The following SGCZ variants were observed in gnomAD, a reference collection of about 807,000 sequenced individuals.
SGCZ encodes the protein sarcoglycan zeta.
Under a neutral mutation model 41.3 loss-of-function variants are expected in SGCZ, and 40 were observed. The observed-to-expected ratio is 0.97, with a 90% confidence interval of 0.75 to 1.26. The LOEUF is 1.26. SGCZ is among the 50% of genes most tolerant of loss of function. The probability of loss-of-function intolerance (pLI) is 0.00; values close to 1 mark genes in which losing one functional copy is unlikely to be tolerated. For synonymous variants in SGCZ, 206 were observed against 137.5 expected (o/e 1.50, Z -3.49); for missense variants, 552 against 369.8 (o/e 1.49, Z -4.04).
intron 1 of SGCZ, among the ~76,000 whole-genome samples, chr8:14,607,294 A>G (rs986829107): frequency 6.6e-6 from 1 of 152,150 alleles, no homozygotes; most frequent in Non-Finnish European, 1.5e-5. Context: ...ATTGTTAATT[A>G]TCCTTCAGAT....
chr8:14,932,582 A>G (rs1799949668), intron 1 of SGCZ, among the ~76,000 whole-genome samples: 2 of 152,038 alleles, frequency 1.3e-5, no homozygotes, highest in South Asian at 2.1e-4. Flanking sequence ...AAATTATAAC[A>G]TATTTTACTA....
intron 1 of SGCZ, among the ~76,000 whole-genome samples, chr8:14,912,039 G>T (rs527451857): frequency 3.3e-5 from 5 of 151,682 alleles, no homozygotes; most frequent in African/African-American, 9.7e-5. Context: ...CTGCACTGAC[G>T]CTATGTAAGC....
chr8:14,305,800 G>C (rs1455786896), intron 3 of SGCZ, among the ~76,000 whole-genome samples: 1 of 152,118 alleles, frequency 6.6e-6, no homozygotes, highest in Non-Finnish European at 1.5e-5. Context: ...CTTGTAACTT[G>C]TATTGGTTTA....
chr8:14,986,502 G>C (rs1486950066), intron 1 of SGCZ, among the ~76,000 whole-genome samples: 1 of 151,868 alleles, frequency 6.6e-6, no homozygotes, highest in African/African-American at 2.4e-5. Flanking sequence ...AAATTAGAAG[G>C]GATTTGCTCT....
chr8:15,090,358 G>C (rs1806113062), intron 1 of SGCZ, among the ~76,000 whole-genome samples: 1 of 152,152 alleles, frequency 6.6e-6, no homozygotes, highest in Admixed American at 6.5e-5. Context: ...TATGGTTTCT[G>C]AGCCTAATAC....
At chr8:14,987,046 A>C (rs1346772092) in intron 1 of SGCZ, among the ~76,000 whole-genome samples, 1 of 151,966 alleles carries the variant, frequency 6.6e-6, no homozygotes, top group Admixed American at 6.6e-5. Context: ...ATTAACTATT[A>C]CATGTCTGAA....
intron 1 of SGCZ, among the ~76,000 whole-genome samples, chr8:15,148,333 C>T (rs1230714733): frequency 1.3e-5 from 2 of 152,140 alleles, no homozygotes; most frequent in Non-Finnish European, 2.9e-5. Context: ...CAGGAGCTCA[C>T]TGATGGTTAA....
At chr8:15,228,891 G>A (rs1801856468) in intron 1 of SGCZ, among the ~76,000 whole-genome samples, 1 of 152,124 alleles carries the variant, frequency 6.6e-6, no homozygotes, top group Admixed American at 6.5e-5. Context: ...CGTAGCTCTT[G>A]ATAAATTTTT....
rs534994049 is a variant in SGCZ at position 14,950,258 on chromosome 8, G to C, written c.39+287327C>G. On this transcript the variant is annotated intron_variant, in intron 1 of 7. Coordinates refer to ENST00000382080, the MANE Select transcript of SGCZ (RefSeq NM_139167.4). ...GGGTCTTTACGGGAAACAATAAGTA[G>C]GAACAAACCAAATGATGAAGTTCTG... Among the ~76,000 whole-genome samples the C allele has an allele frequency of 6.8e-4, 103 of 152,100 alleles. 1 individual carries two copies. Among genetic ancestry groups the C allele is most frequent in the African/African-American group, 2.3e-3 (96 of 41,546 alleles).
intron 7 of SGCZ, among the ~76,000 whole-genome samples, chr8:14,102,008 G>A (rs1055311170): frequency 2.7e-5 from 4 of 150,710 alleles, no homozygotes; most frequent in Non-Finnish European, 4.4e-5. Flanking sequence ...ATGGGTTGAC[G>A]ACATTCTCCT....
At chr8:14,522,696 A>AT (rs369960479) in intron 2 of SGCZ, among the ~76,000 whole-genome samples, 7 of 150,752 alleles carry the variant, frequency 4.6e-5, no homozygotes, top group South Asian at 2.1e-4. Flanking sequence ...GTTTTTTCTT[A>AT]TTTTTTTCCA....
intron 2 of SGCZ, among the ~76,000 whole-genome samples, chr8:14,528,789 C>T (rs1285437478): frequency 7.0e-6 from 1 of 142,854 alleles, no homozygotes; most frequent in Non-Finnish European, 1.5e-5. Flanking sequence ...ATTCCTTGCA[C>T]TACTGTCTTA....
At chr8:15,154,117 G>A (rs577272681) in intron 1 of SGCZ, among the ~76,000 whole-genome samples, 10 of 152,224 alleles carry the variant, frequency 6.6e-5, no homozygotes, top group South Asian at 6.2e-4. Flanking sequence ...CATGTGGCCC[G>A]GTTCCTAACA....
At chr8:14,350,644 C>T (rs1803056953) in intron 2 of SGCZ, among the ~76,000 whole-genome samples, 1 of 152,042 alleles carries the variant, frequency 6.6e-6, no homozygotes, top group African/African-American at 2.4e-5. Flanking sequence ...ATTACTGCTC[C>T]ATGGCTCCCT....
intron 2 of SGCZ, among the ~76,000 whole-genome samples, chr8:14,369,931 T>C (rs1490758736): frequency 6.6e-6 from 1 of 152,050 alleles, no homozygotes; most frequent in African/African-American, 2.4e-5. Flanking sequence ...TACAGGCTAA[T>C]GACGTCTATT....
At chr8:14,534,399 G>A (rs1803231528) in intron 2 of SGCZ, among the ~76,000 whole-genome samples, 1 of 151,944 alleles carries the variant, frequency 6.6e-6, no homozygotes, top group Non-Finnish European at 1.5e-5. Context: ...CTTCTTACTG[G>A]AAAGTTTCTA....
At chr8:14,900,097 C>A (rs1029745104) in intron 1 of SGCZ, among the ~76,000 whole-genome samples, 2 of 152,048 alleles carry the variant, frequency 1.3e-5, no homozygotes, top group South Asian at 4.1e-4. Context: ...CAAGCCCCTA[C>A]GGTAATTTTT....
intron 5 of SGCZ, among the ~76,000 whole-genome samples, chr8:14,139,878 AC>A (rs1288270977): frequency 6.6e-6 from 1 of 152,196 alleles, no homozygotes; most frequent in Non-Finnish European, 1.5e-5. Flanking sequence ...CAGAGACACA[AC>A]AAAAAAACAG....
At chr8:14,858,270 A>C (rs1011699957) in intron 1 of SGCZ, among the ~76,000 whole-genome samples, 2 of 152,082 alleles carry the variant, frequency 1.3e-5, no homozygotes, top group Admixed American at 6.5e-5. Context: ...AATTTGCTTC[A>C]CAATAATGAA....
Sources: gnomAD v4.1 joint callset for allele counts (sites outside exome capture counted in the v4.1 genomes callset) on GRCh38, gnomAD v4.1.1 for gene constraint, MANE v1.5 for transcripts, NCBI Gene and HGNC (gene_info 2026-07-23, HGNC 2026-07-21) for gene names.